ZFP37: variants seen among roughly 807,000 people sequenced by gnomAD.
ZFP37 encodes ZFP37 zinc finger protein, also known as zinc finger protein 37 homolog.
A neutral mutation model predicts 52.1 loss-of-function variants in ZFP37; 38 were observed. The ratio of observed to expected loss-of-function variants is 0.73; its 90% CI spans 0.56 to 0.96. ZFP37 has a LOEUF of 0.96. ZFP37 is among the 40% of genes least tolerant of loss of function. The pLI, the probability that ZFP37 is intolerant of heterozygous loss-of-function variation, is 0.00. For synonymous variants in ZFP37, 253 were observed against 259.5 expected (o/e 0.98, Z 0.24); for missense variants, 695 against 741.4 (o/e 0.94, Z 0.73).
chr9:113,042,761 A>G lies in ZFP37; in HGVS notation c.1857T>C (p.His619=), dbSNP rs1163092693. 2 of 1,588,516 alleles carry G rather than the reference A, an allele frequency of 1.3e-6. No homozygotes were observed. Among genetic ancestry groups the G allele is most frequent in the African/African-American group, 2.7e-5 (2 of 73,548 alleles). The change falls in exon 4 of 4, where the codon CAT becomes CAC. Residue 619 remains histidine, a synonymous_variant. Coordinates refer to ENST00000374227, the MANE Select transcript of ZFP37 (RefSeq NM_003408.3). ...TFKQNASLTK[H]VKTHSEDKSH... is the part of the protein sequence containing the mutation. Reference sequence around the variant, plus strand: ...ATTTATCTTCTGAATGAGTTTTCACATGTTTGGTTAGGGATGCATTTTGTT... The same window carrying G: ...ATTTATCTTCTGAATGAGTTTTCACGTGTTTGGTTAGGGATGCATTTTGTT...
Position 113,042,608 on chromosome 9 carries a change from C to A in ZFP37, c.*117G>T, listed in dbSNP as rs946481814. Reference sequence around the variant, plus strand: ...ATATGAAGATCCATTTTCAAAGTTTCTCATGTACAACAAGGTGTGACATCT... The same window carrying A: ...ATATGAAGATCCATTTTCAAAGTTTATCATGTACAACAAGGTGTGACATCT... On this transcript the variant is annotated 3_prime_UTR_variant, in exon 4 of 4. Coordinates refer to ENST00000374227, the MANE Select transcript of ZFP37 (RefSeq NM_003408.3). 6.4e-5 allele frequency: 53 copies of A among 824,022 alleles called. No homozygotes were observed. The highest frequency in any genetic ancestry group is 6.5e-4 in the Middle Eastern group (2 of 3,076). The allele number at this position is 824,022 out of a possible 1,614,324, so 51.0% of individuals were successfully genotyped here.
Position 113,042,743 on chromosome 9 carries a change from T to G in ZFP37, c.1875A>C (p.Glu625Asp), listed in dbSNP as rs755619809. Residue 625 changes from glutamate (E) to aspartate (D), a missense_variant, in exon 4 of 4, where the codon GAA (glutamate) becomes GAC (aspartate). Glu to Asp is a conservative substitution (Grantham distance 45). This residue lies in a region of ZFP37 where 326 missense variants were observed against 400.5 expected (regional missense o/e 0.81). Coordinates refer to ENST00000374227, the MANE Select transcript of ZFP37 (RefSeq NM_003408.3). ...ATTAACTTCACTCATGAGATTTATC[T>G]TCTGAATGAGTTTTCACATGTTTGG... ...SLTKHVKTHS[E>D]DKSHE is the part of the protein sequence containing the mutation. 9.5e-6 allele frequency: 15 copies of G among 1,572,218 alleles called. No individual in the cohort carries two copies. Among genetic ancestry groups the G allele is most frequent in the Non-Finnish European group, 1.3e-5 (15 of 1,160,860 alleles).
rs762927669 is a variant in ZFP37, at chr9:113,049,441, T to C, written c.270A>G (p.Pro90=). The change falls in exon 3 of 4, where the codon CCA becomes CCG. Residue 90 remains proline, a synonymous_variant. Transcript: ENST00000374227. ...MISKLEKGEA[P]WLGKGKRPSQ... ...TGGGTCTTTTCCCCTTCCCCAACCA[T>C]GGTGCTTCTCCTTTTTCCAACTTGG... 1.9e-6 allele frequency: 3 copies of C among 1,614,142 alleles called. No homozygotes were observed. Among genetic ancestry groups the C allele is most frequent in the Non-Finnish European group, 2.5e-6 (3 of 1,179,990 alleles).
intron 1 of ZFP37, chr9:113,050,080 C>T: frequency 1.2e-6 from 1 of 804,616 alleles, no homozygotes; most frequent in Admixed American, 3.3e-5. Context: ...AAACAAAAAC[C>T]ATATTAAGAA....
At chr9:113,051,274 G>C (rs900564794) in intron 1 of ZFP37, among the ~76,000 whole-genome samples, 15 of 152,098 alleles carry the variant, frequency 9.9e-5, no homozygotes, top group Admixed American at 9.2e-4. Context: ...CTAACTAGGG[G>C]GGTGGGAGTA....
chr9:113,043,142 A>G lies in ZFP37; in HGVS notation c.1476T>C (p.Asn492=), dbSNP rs975136487. The G allele has an allele frequency of 2.5e-6, 4 of 1,613,614 alleles. No individual in the cohort carries two copies. Among genetic ancestry groups the G allele is most frequent in the Non-Finnish European group, 3.4e-6 (4 of 1,179,904 alleles). ...TATGTCCAAAGGCTTTTCCACACTC[A>G]TTACATTTATAAGGTTTCTCCTTAG... is the stretch of plus-strand genomic sequence containing the variant. ...THTKEKPYKC[N]ECGKAFGHSS... is the part of the protein sequence containing the mutation. The change falls in exon 4 of 4, where the codon AAT becomes AAC. Residue 492 remains asparagine, a synonymous_variant. Coordinates refer to ENST00000374227, the MANE Select transcript of ZFP37 (RefSeq NM_003408.3).
At position 113,043,655 on chromosome 9, in the gene ZFP37, A is replaced by G. The variant is rs765138700; in HGVS notation, c.963T>C (p.Tyr321=). The G allele has an allele frequency of 1.2e-6, 2 of 1,614,064 alleles. No individual in the cohort carries two copies. The highest frequency in any genetic ancestry group is 1.7e-5 in the Admixed American group (1 of 60,008). Residue 321 remains tyrosine (Y), a synonymous_variant, in exon 4 of 4, where the codon TAT becomes TAC. Transcript: ENST00000374227. ...HQRVHTGEKP[Y]ECNECGIAFS... is the part of the protein sequence containing the mutation. The stretch of plus-strand genomic sequence containing the variant: ...AGGCTATCCCACATTCATTACATTC[A>G]TATGGTTTCTCCCCAGTATGAACTC...
intron 3 of ZFP37, among the ~76,000 whole-genome samples, chr9:113,048,277 G>A (rs1378319011): frequency 6.6e-6 from 1 of 152,186 alleles, no homozygotes; most frequent in Non-Finnish European, 1.5e-5. Flanking sequence ...TGGGTCTAGA[G>A]AATTTCCTAG....
rs1306606973 is a variant in ZFP37 at position 113,043,563 on chromosome 9, A to G, written c.1055T>C (p.Ile352Thr). 1.2e-6 allele frequency: 2 copies of G among 1,613,950 alleles called. No individual in the cohort carries two copies. Residue 352 changes from isoleucine to threonine, a missense_variant, in exon 4 of 4, where the codon ATT (isoleucine) becomes ACT (threonine). Around this residue, in one of 2 missense-constraint regions of ZFP37, gnomAD observed 326 missense variants for 400.5 expected, o/e 0.81. Transcript: ENST00000374227. ...ATGACCATGGGCTTTGCCACACTGA[A>G]TACATTCATATGGTTTTTCTCCGGT... ...THTGEKPYEC[I>T]QCGKAHGHKH...
At chr9:113,050,481 A>G (rs56243304) in intron 1 of ZFP37, among the ~76,000 whole-genome samples, 5 of 145,350 alleles carry the variant, frequency 3.4e-5, no homozygotes, top group South Asian at 4.3e-4. Flanking sequence ...AAAAAAAAAA[A>G]AAAAAGAAAA....
At position 113,042,107 on chromosome 9, in the gene ZFP37, C is replaced by T. The variant is rs987816722; in HGVS notation, c.*618G>A. 1 of 152,218 alleles carries T rather than the reference C, an allele frequency of 6.6e-6. No homozygotes were observed. Among genetic ancestry groups the T allele is most frequent in the Non-Finnish European group, 1.5e-5 (1 of 68,056 alleles). The allele number at this position is 152,218 out of a possible 1,614,324, so 9.4% of individuals were successfully genotyped here. A position where few individuals can be genotyped will look rare whatever the true frequency, so the allele number is the denominator to read the frequency against. ...CATACTATATACATGGTTCAGCAAC[C>T]TACTTTTTCACACTTCACAATATAT... On this transcript the variant is annotated 3_prime_UTR_variant, in exon 4 of 4. Coordinates refer to ENST00000374227, the MANE Select transcript of ZFP37 (RefSeq NM_003408.3).
chr9:113,045,301 A>ATATTC (rs1828931390), intron 3 of ZFP37, among the ~76,000 whole-genome samples: 1 of 152,098 alleles, frequency 6.6e-6, no homozygotes, highest in African/African-American at 2.4e-5. Context: ...CCCTAAAATG[A>ATATTC]TATTCTTGTA....
chr9:113,049,973 G>A, intron 1 of ZFP37, 101 bp from the exon 2 acceptor site: 3 of 1,562,224 alleles, frequency 1.9e-6, no homozygotes, highest in Non-Finnish European at 2.6e-6. Flanking sequence ...TGAGTGATTT[G>A]GACAAGATAA....
rs1828800022 is a variant in ZFP37, at chr9:113,038,605, A to G, written c.*4120T>C. The G allele has an allele frequency of 6.9e-6, 1 of 144,148 alleles. No individual in the cohort carries two copies. Among genetic ancestry groups the G allele is most frequent in the African/African-American group, 2.7e-5 (1 of 37,680 alleles). The allele number at this position is 144,148 out of a possible 1,614,324, so 8.9% of individuals were successfully genotyped here. A position where few individuals can be genotyped will look rare whatever the true frequency, so the allele number is the denominator to read the frequency against. ...TGAGACCAGCCTGAGTAACATGGCA[A>G]AACTCTGTTTCCACCAAAAAAAAAA... On this transcript the variant is annotated 3_prime_UTR_variant, in exon 4 of 4. Transcript: ENST00000374227.
chr9:113,044,429 ATGT>A (rs1564344305), intron 3 of ZFP37, among the ~76,000 whole-genome samples, 161 bp from the exon 4 acceptor site: 1 of 152,152 alleles, frequency 6.6e-6, no homozygotes, highest in Non-Finnish European at 1.5e-5. Flanking sequence ...GAGGGGGAAA[ATGT>A]TGTAGTAAAA....
chr9:113,050,402 C>T (rs1480032664), intron 1 of ZFP37, among the ~76,000 whole-genome samples: 1 of 150,980 alleles, frequency 6.6e-6, no homozygotes, highest in African/African-American at 2.4e-5. Flanking sequence ...CAGAAATGTC[C>T]CTATTGTGAA....
At chr9:113,055,856 C>A (rs1045172785) in intron 1 of ZFP37, among the ~76,000 whole-genome samples, 12 of 152,144 alleles carry the variant, frequency 7.9e-5, no homozygotes, top group African/African-American at 2.9e-4. Context: ...CTACTAATCA[C>A]CTCATTACTC....
Position 113,041,719 on chromosome 9 carries a change from A to G in ZFP37, c.*1006T>C, listed in dbSNP as rs1052157049. The G allele has an allele frequency of 3.9e-5, 6 of 152,358 alleles. No individual in the cohort carries two copies. Among genetic ancestry groups the G allele is most frequent in the African/African-American group, 1.2e-4 (5 of 41,574 alleles). 9.4% of individuals were successfully genotyped at this position (152,358 alleles called of 1,614,324 possible). On this transcript the variant is annotated 3_prime_UTR_variant, in exon 4 of 4. Transcript: ENST00000374227. ...ACTTTAGATTCATCATCATTCATGAATAAGCATACAAAGATTTTAACTCTG... is the reference window on the plus strand; with the variant it reads ...ACTTTAGATTCATCATCATTCATGAGTAAGCATACAAAGATTTTAACTCTG...
chr9:113,054,870 C>T (rs7028375), intron 1 of ZFP37, among the ~76,000 whole-genome samples: 1 of 152,114 alleles, frequency 6.6e-6, no homozygotes, highest in Non-Finnish European at 1.5e-5. Flanking sequence ...CCTAACTGAC[C>T]TCCCTATATC....
Sources: allele counts gnomAD v4.1 joint callset (sites outside exome capture counted in the v4.1 genomes callset), GRCh38; gene constraint gnomAD v4.1.1; regional missense constraint gnomAD v4.1.1; transcripts MANE v1.5; gene names NCBI Gene and HGNC (gene_info 2026-07-23, HGNC 2026-07-21).